Variants in MEGF10 observed in about 807,000 individuals in gnomAD.
The protein encoded by MEGF10 is multiple EGF like domains 10.
Under a neutral mutation model 147.5 loss-of-function variants are expected in MEGF10, and 86 were observed. That is an observed-to-expected ratio of 0.58 (90% CI 0.49 to 0.70). The LOEUF is 0.70. MEGF10 is among the 30% of genes least tolerant of loss of function. The pLI, the probability that MEGF10 is intolerant of heterozygous loss-of-function variation, is 0.00. For synonymous variants in MEGF10, 478 were observed against 525.5 expected, an observed-to-expected ratio of 0.91 and a Z score of 1.24; for missense variants, 1,329 against 1,487.3, an observed-to-expected ratio of 0.89 and a Z score of 1.75.
At chr5:127,429,565 G>A (rs186060689) in intron 13 of MEGF10, among the ~76,000 whole-genome samples, 11 of 152,290 alleles carry the variant, frequency 7.2e-5, no homozygotes, top group African/African-American at 2.2e-4. Flanking sequence ...AGCAAAAACA[G>A]GCATTGTCTC....
chr5:127,371,909 AG>A (rs1762863816), intron 5 of MEGF10, among the ~76,000 whole-genome samples: 1 of 152,248 alleles, frequency 6.6e-6, no homozygotes, highest in Non-Finnish European at 1.5e-5. Context: ...AAATGTTTAA[AG>A]GTGTTCTGAG....
chr5:127,308,194 CGA>C (rs1039243721), intron 1 of MEGF10, among the ~76,000 whole-genome samples: 3 of 152,118 alleles, frequency 2.0e-5, no homozygotes, highest in African/African-American at 4.8e-5. Context: ...TTAGCAATTA[CGA>C]GAGAGGAGAA....
chr5:127,298,465 T>G (rs1014113942), intron 1 of MEGF10, among the ~76,000 whole-genome samples: 1 of 152,358 alleles, frequency 6.6e-6, no homozygotes, highest in African/African-American at 2.4e-5. Flanking sequence ...TTAGAAATGC[T>G]TGAGGCATGT....
the MEGF10 span, among the ~76,000 whole-genome samples, chr5:127,280,205 C>T: frequency 6.6e-6 from 1 of 152,198 alleles, no homozygotes; most frequent in Non-Finnish European, 1.5e-5. Flanking sequence ...TCCTCTCATT[C>T]AGGAGGGGTG....
At chr5:127,357,616 T>A (rs1762325191) in intron 4 of MEGF10, among the ~76,000 whole-genome samples, 1 of 144,932 alleles carries the variant, frequency 6.9e-6, no homozygotes. Flanking sequence ...AATAAATAAA[T>A]AAATAAATAA....
chr5:127,262,606 C>T, the MEGF10 span, among the ~76,000 whole-genome samples: 76 of 152,270 alleles, frequency 5.0e-4, no homozygotes, highest in Non-Finnish European at 9.1e-4. Context: ...GATCCTAAAC[C>T]TATCAAGGAT....
chr5:127,360,673 T>A (rs1261033047), intron 4 of MEGF10, among the ~76,000 whole-genome samples: 2 of 151,898 alleles, frequency 1.3e-5, no homozygotes, highest in Non-Finnish European at 2.9e-5. Context: ...TTTGCAGAAA[T>A]TTTTTGTTAG....
Position 127,344,992 on chromosome 5 carries a change from G to A in MEGF10, c.319+4362G>A, listed in dbSNP as rs1761828669. 3.9e-5 allele frequency among the ~76,000 whole-genome samples: 6 copies of A among 152,214 alleles called. No individual in the cohort carries two copies. In the South Asian group the frequency reaches 1.2e-3, roughly 32 times the overall value. On this transcript the variant is annotated intron_variant, in intron 4 of 24. Transcript: ENST00000503335. The stretch of plus-strand genomic sequence containing the variant: ...GTAGTGTCAAGGTTCCAGGGAAAAG[G>A]ACAGTAGCTCAGAAAGATCCTGAAG...
intron 4 of MEGF10, 64 bp downstream of exon 4, chr5:127,340,694 A>G (rs908405055): frequency 7.5e-7 from 1 of 1,335,784 alleles, no homozygotes; most frequent in Non-Finnish European, 1.1e-6. Context: ...TGCTTCCATT[A>G]ATAGCAGCTG....
intron 1 of MEGF10, among the ~76,000 whole-genome samples, chr5:127,327,166 A>C (rs759194023): frequency 4.6e-5 from 7 of 152,326 alleles, no homozygotes; most frequent in Admixed American, 2.6e-4. Flanking sequence ...TCCCTTTCTA[A>C]TAGGAGCACT....
At chr5:127,326,856 A>G (rs1761057320) in intron 1 of MEGF10, among the ~76,000 whole-genome samples, 1 of 152,204 alleles carries the variant, frequency 6.6e-6, no homozygotes, top group Non-Finnish European at 1.5e-5. Context: ...AGTTATTTCT[A>G]TGTGTGCACT....
intron 12 of MEGF10, among the ~76,000 whole-genome samples, chr5:127,421,155 C>CT (rs1298282097): frequency 6.6e-6 from 1 of 152,204 alleles, no homozygotes; most frequent in African/African-American, 2.4e-5. Flanking sequence ...TTGAAGATCA[C>CT]TTTTTACTCC....
At chr5:127,237,633 T>C in the MEGF10 span, among the ~76,000 whole-genome samples, 3 of 152,164 alleles carry the variant, frequency 2.0e-5, no homozygotes, top group African/African-American at 4.8e-5. Context: ...GAGACAATAA[T>C]GAAAGCCTGG....
chr5:127,453,535 T>A (rs1445354903), intron 22 of MEGF10, among the ~76,000 whole-genome samples: 1 of 152,196 alleles, frequency 6.6e-6, no homozygotes, highest in Non-Finnish European at 1.5e-5. Context: ...ACAAAAACCC[T>A]GGAAGGCTGG....
At chr5:127,407,362 C>G (rs1212937220) in intron 8 of MEGF10, among the ~76,000 whole-genome samples, 1 of 152,160 alleles carries the variant, frequency 6.6e-6, no homozygotes, top group Non-Finnish European at 1.5e-5. Flanking sequence ...GTACCTGTCA[C>G]CCCTTACACG....
At chr5:127,295,905 C>A (rs549823074) in intron 1 of MEGF10, among the ~76,000 whole-genome samples, 2 of 152,290 alleles carry the variant, frequency 1.3e-5, no homozygotes, top group East Asian at 3.9e-4. Flanking sequence ...CTGAAATGAA[C>A]TTTTTCTAGC....
chr5:127,410,040 A>AT (rs1272197656), intron 8 of MEGF10, among the ~76,000 whole-genome samples: 4 of 152,136 alleles, frequency 2.6e-5, no homozygotes, highest in African/African-American at 7.2e-5. Flanking sequence ...ACATTTGAAA[A>AT]TTTTTTTCCC....
rs1016137528 is a variant in MEGF10, at chr5:127,346,900, G to A, written c.319+6270G>A. Among the ~76,000 whole-genome samples the A allele has an allele frequency of 2.0e-5, 3 of 151,962 alleles. No homozygotes were observed. The East Asian group carries it at 5.8e-4, about 29-fold the overall frequency. ...TCCATAATGAGATATTCTGGGGATG[G>A]AACTCAAGTCTAAGCATGAAATTAA... On this transcript the variant is annotated intron_variant, in intron 4 of 24. Coordinates refer to ENST00000503335, the MANE Select transcript of MEGF10 (RefSeq NM_001256545.2).
At chr5:127,431,935 C>G (rs781210519) in intron 13 of MEGF10, among the ~76,000 whole-genome samples, 1 of 151,808 alleles carries the variant, frequency 6.6e-6, no homozygotes, top group Non-Finnish European at 1.5e-5. Flanking sequence ...AATTTCATCT[C>G]AGATTTTCAA....
Sources: allele counts gnomAD v4.1 joint callset (sites outside exome capture counted in the v4.1 genomes callset), GRCh38; gene constraint gnomAD v4.1.1; transcripts MANE v1.5; gene names NCBI Gene and HGNC (gene_info 2026-07-23, HGNC 2026-07-21).